RCVRN: variants seen among roughly 807,000 people sequenced by gnomAD.
RCVRN encodes recoverin.
RCVRN carries 23 observed loss-of-function variants against 20.4 expected under a neutral mutation model. The ratio of observed to expected loss-of-function variants is 1.13; its 90% CI spans 0.81 to 1.60. RCVRN has a LOEUF of 1.60. Ranked by LOEUF, RCVRN falls within the 40% of genes most tolerant of loss-of-function variation. The probability of loss-of-function intolerance (pLI) is 0.00; values close to 1 mark genes in which losing one functional copy is unlikely to be tolerated. For missense variants in RCVRN, 254 were observed against 254.2 expected, an observed-to-expected ratio of 1.00 and a Z score of 0.00; for synonymous variants, 105 against 105.9, an observed-to-expected ratio of 0.99 and a Z score of 0.05.
intron 1 of RCVRN, among the ~76,000 whole-genome samples, chr17:9,902,504 A>G (rs1367673595): frequency 6.6e-6 from 1 of 152,172 alleles, no homozygotes; most frequent in Non-Finnish European, 1.5e-5. Flanking sequence ...AGTCTCTACT[A>G]ACAGGAATGG....
Position 9,904,704 on chromosome 17 carries a change from C to T in RCVRN, c.381+96G>A, listed in dbSNP as rs974314568. 6 of 1,417,672 alleles carry T rather than the reference C, an allele frequency of 4.2e-6. No individual in the cohort carries two copies. The African/African-American group carries it at 7.1e-5, about 17-fold the overall frequency. 87.8% of individuals were successfully genotyped at this position (1,417,672 alleles called of 1,614,324 possible). A position where few individuals can be genotyped will look rare whatever the true frequency, so the allele number is the denominator to read the frequency against. On this transcript the variant is annotated intron_variant, in intron 1 of 2. Transcript: ENST00000226193. This position sits in a 1 kb window ranked among gnomAD's most constrained non-coding sequence, Gnocchi z 5.8. ...AGTGGCCCGCATCCCCCGCTCCACC[C>T]ACAGATCCACTCCCTCTGCAGCAGC...
Position 9,904,718 on chromosome 17 carries a change from C to A in RCVRN, c.381+82G>T. 1 of 1,503,558 alleles carries A rather than the reference C, an allele frequency of 6.7e-7. No individual in the cohort carries two copies. The highest frequency in any genetic ancestry group is 1.8e-5 in the Admixed American group (1 of 55,730). 93.1% of individuals were successfully genotyped at this position (1,503,558 alleles called of 1,614,324 possible). A position where few individuals can be genotyped will look rare whatever the true frequency, so the allele number is the denominator to read the frequency against. On this transcript the variant is annotated intron_variant, in intron 1 of 2. Coordinates refer to ENST00000226193, the MANE Select transcript of RCVRN (RefSeq NM_002903.3). This position sits in a 1 kb window ranked among gnomAD's most constrained non-coding sequence, Gnocchi z 5.8. The stretch of plus-strand genomic sequence containing the variant: ...CCCGCTCCACCCACAGATCCACTCC[C>A]TCTGCAGCAGCTGCAGCAGGGGACC...
chr17:9,904,123 C>A lies in RCVRN; in HGVS notation c.381+677G>T, dbSNP rs565041272. 1.7e-4 allele frequency among the ~76,000 whole-genome samples: 26 copies of A among 152,222 alleles called. 1 individual carries two copies. The highest frequency in any genetic ancestry group is 1.6e-3 in the Admixed American group (24 of 15,292). On this transcript the variant is annotated intron_variant, in intron 1 of 2. Coordinates refer to ENST00000226193, the MANE Select transcript of RCVRN (RefSeq NM_002903.3). This position sits in a 1 kb window ranked among gnomAD's most constrained non-coding sequence, Gnocchi z 5.8. ...AGGCATAGTGGTGCACACCTGTAAT[C>A]CCAGCTACTCGGGAGGCTGAGACAG... is the stretch of plus-strand genomic sequence containing the variant.
intron 1 of RCVRN, 34 bp from the exon 2 acceptor site, chr17:9,901,134 G>A: frequency 8.2e-7 from 1 of 1,223,506 alleles, no homozygotes; most frequent in Non-Finnish European, 1.2e-6. Flanking sequence ...CTCGTTAGGA[G>A]GAACTTTAAG....
At chr17:9,903,843 C>T (rs1558229) in intron 1 of RCVRN, among the ~76,000 whole-genome samples, 76,986 of 152,034 alleles carry the variant, frequency 0.51, 19,608 homozygotes, top group East Asian at 0.55. Flanking sequence ...CTGTGCAGCA[C>T]GTGACTGTCC....
At position 9,896,465 on chromosome 17, in the gene RCVRN, A is replaced by C. The variant is rs1449981523; in HGVS notation, c.*1630T>G. The C allele has an allele frequency of 1.3e-5, 2 of 152,190 alleles. No individual in the cohort carries two copies. Among genetic ancestry groups the C allele is most frequent in the African/African-American group, 4.8e-5 (2 of 41,432 alleles). 9.4% of individuals were successfully genotyped at this position (152,190 alleles called of 1,614,324 possible). Reference sequence around the variant, plus strand: ...CAACTAGAGACTCCTCAGCCTCAAGAGGTTGCAGACAGGTCAGTCAAGAAT... The same window carrying C: ...CAACTAGAGACTCCTCAGCCTCAAGCGGTTGCAGACAGGTCAGTCAAGAAT... On this transcript the variant is annotated 3_prime_UTR_variant, in exon 3 of 3. Coordinates refer to ENST00000226193, the MANE Select transcript of RCVRN (RefSeq NM_002903.3).
At chr17:9,902,494 A>G (rs897022694) in intron 1 of RCVRN, among the ~76,000 whole-genome samples, 2 of 152,176 alleles carry the variant, frequency 1.3e-5, no homozygotes, top group Admixed American at 6.5e-5. Context: ...TCTAAACAAT[A>G]GTCTCTACTA....
At position 9,899,361 on chromosome 17, in the gene RCVRN, AT is replaced by A. The variant is rs2067332000; in HGVS notation, c.494-1158del. 6.6e-6 allele frequency among the ~76,000 whole-genome samples: 1 copy of A among 152,084 alleles called. No homozygotes were observed. The highest frequency in any genetic ancestry group is 1.5e-5 in the Non-Finnish European group (1 of 68,026). ...TCACAGAGAGCTTGAAACTCCCACC[AT>A]CAAAGCCTGACTCTGCCCTGAGGCA... On this transcript the variant is annotated intron_variant, in intron 2 of 2. Transcript: ENST00000226193. This position sits in a 1 kb window ranked among gnomAD's most constrained non-coding sequence, Gnocchi z 4.6.
At chr17:9,898,511 T>C (rs75438860) in intron 2 of RCVRN, among the ~76,000 whole-genome samples, 25,706 of 152,206 alleles carry the variant, frequency 0.17, 2,801 homozygotes, top group Non-Finnish European at 0.25. Flanking sequence ...GCCCCTGCCT[T>C]GCTGGTTATT....
At position 9,896,741 on chromosome 17, in the gene RCVRN, C is replaced by G. The variant is rs899884748; in HGVS notation, c.*1354G>C. On this transcript the variant is annotated 3_prime_UTR_variant, in exon 3 of 3. Transcript: ENST00000226193. Reference sequence around the variant, plus strand: ...GGACTCCTTTTCCTTGTCTCTAAAACAAGGGGCTTTAGGGCCATCTATGGC... The same window carrying G: ...GGACTCCTTTTCCTTGTCTCTAAAAGAAGGGGCTTTAGGGCCATCTATGGC... The G allele has an allele frequency of 5.9e-5, 9 of 152,276 alleles. No homozygotes were observed. The highest frequency in any genetic ancestry group is 5.9e-5 in the Non-Finnish European group (4 of 68,062). 9.4% of individuals were successfully genotyped at this position (152,276 alleles called of 1,614,324 possible).
Position 9,899,112 on chromosome 17 carries a change from T to C in RCVRN, c.494-908A>G, listed in dbSNP as rs530673720. 9.9e-5 allele frequency among the ~76,000 whole-genome samples: 15 copies of C among 152,226 alleles called. No individual in the cohort carries two copies. The highest frequency in any genetic ancestry group is 7.7e-4 in the East Asian group (4 of 5,178). On this transcript the variant is annotated intron_variant, in intron 2 of 2. Transcript: ENST00000226193. This position sits in a 1 kb window ranked among gnomAD's most constrained non-coding sequence, Gnocchi z 4.6. Reference sequence around the variant, plus strand: ...CGGGGAAGGCAGTCACACGCAGAAATACCTCTAGCATGAGACAGATGCTCC... The same window carrying C: ...CGGGGAAGGCAGTCACACGCAGAAACACCTCTAGCATGAGACAGATGCTCC...
rs2067318914 is a variant in RCVRN, at chr17:9,896,851, T to A, written c.*1244A>T. On this transcript the variant is annotated 3_prime_UTR_variant, in exon 3 of 3. Coordinates refer to ENST00000226193, the MANE Select transcript of RCVRN (RefSeq NM_002903.3). ...AGACTCTCTGTATTTCTCATCTCCATAGATGGCATTGCTATTCACCCACTG... is the reference window on the plus strand; with the variant it reads ...AGACTCTCTGTATTTCTCATCTCCAAAGATGGCATTGCTATTCACCCACTG... 1 of 152,384 alleles carries A rather than the reference T, an allele frequency of 6.6e-6. No individual in the cohort carries two copies. The highest frequency in any genetic ancestry group is 1.5e-5 in the Non-Finnish European group (1 of 68,154). 9.4% of individuals were successfully genotyped at this position (152,384 alleles called of 1,614,324 possible).
intron 1 of RCVRN, among the ~76,000 whole-genome samples, chr17:9,902,568 T>TAA (rs145153230): frequency 3.9e-5 from 4 of 103,856 alleles, no homozygotes; most frequent in South Asian, 4.8e-4. Flanking sequence ...AAGAATAAAT[T>TAA]AAAAAAAAAT....
chr17:9,899,233 T>C lies in RCVRN; in HGVS notation c.494-1029A>G, dbSNP rs1393293388. 6.6e-6 allele frequency among the ~76,000 whole-genome samples: 1 copy of C among 152,192 alleles called. No individual in the cohort carries two copies. Among genetic ancestry groups the C allele is most frequent in the Non-Finnish European group, 1.5e-5 (1 of 68,024 alleles). On this transcript the variant is annotated intron_variant, in intron 2 of 2. Coordinates refer to ENST00000226193, the MANE Select transcript of RCVRN (RefSeq NM_002903.3). The surrounding 1 kb of genome is among the most constrained non-coding windows in gnomAD (Gnocchi z 4.6). ...TTTCTGACTTATGCTCTGGGCCTTT[T>C]GGATACCTTTAATCCCTTCTGGGTT... is the stretch of plus-strand genomic sequence containing the variant.
At chr17:9,902,464 T>A (rs576597769) in intron 1 of RCVRN, among the ~76,000 whole-genome samples, 25 of 151,996 alleles carry the variant, frequency 1.6e-4, no homozygotes, top group Non-Finnish European at 3.5e-4. Flanking sequence ...TGATTGCCAA[T>A]GCACACAAAG....
Position 9,899,400 on chromosome 17 carries a change from G to A in RCVRN, c.494-1196C>T, listed in dbSNP as rs993201459. 6.6e-6 allele frequency among the ~76,000 whole-genome samples: 1 copy of A among 152,170 alleles called. No individual in the cohort carries two copies. The highest frequency in any genetic ancestry group is 1.5e-5 in the Non-Finnish European group (1 of 68,038). On this transcript the variant is annotated intron_variant, in intron 2 of 2. Coordinates refer to ENST00000226193, the MANE Select transcript of RCVRN (RefSeq NM_002903.3). The surrounding 1 kb of genome is among the most constrained non-coding windows in gnomAD (Gnocchi z 4.6). ...CTGCCCTGAGGCATTGTCTCCAGATGGGCCGCGTGGAAACACGTACAACAC... is the reference window on the plus strand; with the variant it reads ...CTGCCCTGAGGCATTGTCTCCAGATAGGCCGCGTGGAAACACGTACAACAC...
At chr17:9,900,795 A>T (rs1017884660) in intron 2 of RCVRN, among the ~76,000 whole-genome samples, 194 bp downstream of exon 2, 6 of 152,022 alleles carry the variant, frequency 3.9e-5, no homozygotes, top group African/African-American at 1.4e-4. Flanking sequence ...TGCACAGAAA[A>T]CAGTTTTGGC....
chr17:9,900,351 T>C (rs987721942), intron 2 of RCVRN, among the ~76,000 whole-genome samples: 1 of 152,046 alleles, frequency 6.6e-6, no homozygotes, highest in African/African-American at 2.4e-5. Flanking sequence ...TGGGGGCTGC[T>C]TCCAGCCACT....
At position 9,899,310 on chromosome 17, in the gene RCVRN, A is replaced by C. The variant is rs2152054204; in HGVS notation, c.494-1106T>G. Among the ~76,000 whole-genome samples, 1 of 152,302 alleles carries C rather than the reference A, an allele frequency of 6.6e-6. No individual in the cohort carries two copies. The highest frequency in any genetic ancestry group is 6.5e-5 in the Admixed American group (1 of 15,292). On this transcript the variant is annotated intron_variant, in intron 2 of 2. Coordinates refer to ENST00000226193, the MANE Select transcript of RCVRN (RefSeq NM_002903.3). This position sits in a 1 kb window ranked among gnomAD's most constrained non-coding sequence, Gnocchi z 4.6. ...GTCTGGGTGGTAAAATTTGGGTTTT[A>C]ACATCCCAGCCACCCCACAGAGAGC...
Sources: gnomAD v4.1 joint callset for allele counts (sites outside exome capture counted in the v4.1 genomes callset) on GRCh38, gnomAD v4.1.1 for gene constraint, Gnocchi (gnomAD v3.1) non-coding constraint, MANE v1.5 for transcripts, NCBI Gene and HGNC (gene_info 2026-07-23, HGNC 2026-07-21) for gene names.